The following TBC1D5 variants were observed in gnomAD, a reference collection of about 807,000 sequenced individuals.
TBC1D5 encodes the protein TBC1 domain family member 5, also known as TBC1 domain family, member 5.
Under a neutral mutation model 100.3 loss-of-function variants are expected in TBC1D5, and 75 were observed. The observed-to-expected ratio is 0.75, with a 90% CI of 0.62 to 0.91. The LOEUF is 0.91. Ranked by LOEUF, TBC1D5 falls within the 40% of genes least tolerant of loss-of-function variation. The pLI, the probability that TBC1D5 is intolerant of heterozygous loss-of-function variation, is 0.00. For synonymous variants in TBC1D5, 323 were observed against 325.6 expected, an observed-to-expected ratio of 0.99 and a Z score of 0.09; for missense variants, 910 against 942.4, an observed-to-expected ratio of 0.97 and a Z score of 0.45.
At chr3:17,680,708 G>T (rs1426178851) in intron 1 of TBC1D5, among the ~76,000 whole-genome samples, 3 of 151,318 alleles carry the variant, frequency 2.0e-5, no homozygotes, top group African/African-American at 7.4e-5. Context: ...TCAGTACTAA[G>T]ATGGTCAATA....
chr3:17,531,232 C>G (rs143978560), intron 2 of TBC1D5, among the ~76,000 whole-genome samples: 2,091 of 152,168 alleles, frequency 0.014, 29 homozygotes, highest in Middle Eastern at 0.031. Flanking sequence ...CTCCCATTCA[C>G]AATTGCTTCA....
intron 13 of TBC1D5, among the ~76,000 whole-genome samples, chr3:17,369,381 A>C (rs753397411): frequency 6.6e-6 from 1 of 152,214 alleles, no homozygotes; most frequent in Non-Finnish European, 1.5e-5. Context: ...TGTATACTAC[A>C]TACTGAGTAC....
At chr3:17,416,708 T>C (rs2094083127) in intron 4 of TBC1D5, among the ~76,000 whole-genome samples, 1 of 152,196 alleles carries the variant, frequency 6.6e-6, no homozygotes, top group Admixed American at 6.6e-5. Flanking sequence ...GTCTATCTCA[T>C]TGACTCTCCC....
At chr3:17,369,565 G>C (rs2092357420) in intron 13 of TBC1D5, among the ~76,000 whole-genome samples, 1 of 152,040 alleles carries the variant, frequency 6.6e-6, no homozygotes, top group South Asian at 2.1e-4. Context: ...GCCCAGGATG[G>C]ACTCGAACTC....
At chr3:17,711,799 C>T (rs965272736) in intron 1 of TBC1D5, among the ~76,000 whole-genome samples, 2 of 152,164 alleles carry the variant, frequency 1.3e-5, no homozygotes, top group Non-Finnish European at 2.9e-5. Context: ...TTCAGTGTTA[C>T]AAGCAGTGCT....
Position 17,179,224 on chromosome 3 carries a change from C to T in TBC1D5, c.1852+5885G>A, listed in dbSNP as rs114084228. Among the ~76,000 whole-genome samples the T allele has an allele frequency of 9.3e-3, 1,409 of 152,314 alleles. 23 individuals are homozygous for T. Among genetic ancestry groups the T allele is most frequent in the African/African-American group, 0.032 (1,311 of 41,566 alleles). The stretch of plus-strand genomic sequence containing the variant: ...TATTTAAAATTCTTAAAAATAATCA[C>T]GAAACTCTTTTTTCATAGTGTAGTT... On this transcript the variant is annotated intron_variant, in intron 19 of 21. Coordinates refer to ENST00000253692, the Ensembl canonical transcript of TBC1D5.
At chr3:17,278,634 C>A (rs2080267137) in intron 15 of TBC1D5, among the ~76,000 whole-genome samples, 1 of 152,074 alleles carries the variant, frequency 6.6e-6, no homozygotes, top group African/African-American at 2.4e-5. Context: ...GAGACTGATA[C>A]TCTGGAAAAA....
At chr3:17,555,478 G>C (rs527676103) in intron 2 of TBC1D5, among the ~76,000 whole-genome samples, 1 of 152,180 alleles carries the variant, frequency 6.6e-6, no homozygotes, top group East Asian at 1.9e-4. Flanking sequence ...GCAATTAGCT[G>C]AAAGAGTTAA....
chr3:17,158,587 C>T (rs2065784342), exon 22 of TBC1D5: 1 of 152,264 alleles, frequency 6.6e-6, no homozygotes. Flanking sequence ...ATGTCTCTCT[C>T]CTCCAAGGAG....
intron 17 of TBC1D5, among the ~76,000 whole-genome samples, chr3:17,230,474 G>A (rs924255557): frequency 2.6e-5 from 4 of 152,054 alleles, no homozygotes; most frequent in African/African-American, 9.7e-5. Flanking sequence ...AGAAAATGGA[G>A]ATTCTCCCCT....
At chr3:17,446,173 C>CT (rs11419267) in intron 3 of TBC1D5, among the ~76,000 whole-genome samples, 75,366 of 151,868 alleles carry the variant, frequency 0.5, 20,280 homozygotes, top group African/African-American at 0.68. Context: ...CTCCCAACCC[C>CT]ATTCCTCCTG....
chr3:17,438,477 G>A (rs2094577754), intron 3 of TBC1D5, among the ~76,000 whole-genome samples: 1 of 152,070 alleles, frequency 6.6e-6, no homozygotes, highest in African/African-American at 2.4e-5. Flanking sequence ...TAGTTCTCAC[G>A]AGATCTGATG....
At chr3:17,371,244 GAAC>G (rs2092440229) in intron 13 of TBC1D5, among the ~76,000 whole-genome samples, 2 of 152,090 alleles carry the variant, frequency 1.3e-5, no homozygotes, top group Non-Finnish European at 2.9e-5. Flanking sequence ...TCTGAGGGTA[GAAC>G]AAAAGATGAT....
intron 16 of TBC1D5, among the ~76,000 whole-genome samples, chr3:17,256,015 G>A (rs1373457680): frequency 1.3e-5 from 2 of 152,276 alleles, no homozygotes; most frequent in Admixed American, 1.3e-4. Context: ...CAGCCTGGGC[G>A]ACAAAGCGAG....
intron 15 of TBC1D5, among the ~76,000 whole-genome samples, chr3:17,284,089 T>TAC (rs58307801): frequency 0.23 from 29,972 of 132,704 alleles, 3,818 homozygotes; most frequent in East Asian, 0.57. Flanking sequence ...CTCATTATTT[T>TAC]ACACACACAC....
chr3:17,285,237 G>GATT (rs2081045502), intron 15 of TBC1D5, among the ~76,000 whole-genome samples: 1 of 148,116 alleles, frequency 6.8e-6, no homozygotes, highest in Admixed American at 6.7e-5. Context: ...ACTATACGTG[G>GATT]ATTTTAGATT....
At chr3:17,646,716 T>A (rs2065051756) in intron 1 of TBC1D5, among the ~76,000 whole-genome samples, 1 of 152,132 alleles carries the variant, frequency 6.6e-6, no homozygotes, top group Non-Finnish European at 1.5e-5. Context: ...AAAATGCTAA[T>A]CTGACCACAC....
chr3:17,456,920 T>C (rs1205630955), intron 3 of TBC1D5, among the ~76,000 whole-genome samples: 1 of 152,220 alleles, frequency 6.6e-6, no homozygotes, highest in African/African-American at 2.4e-5. Flanking sequence ...TACATTTATA[T>C]GATATGTCTG....
intron 1 of TBC1D5, among the ~76,000 whole-genome samples, chr3:17,662,805 A>T (rs532385770): frequency 5.1e-4 from 78 of 152,222 alleles, no homozygotes; most frequent in Middle Eastern, 3.4e-3. Context: ...GTTTTTTTTT[A>T]AATAATATCT....
Sources: gnomAD v4.1 joint callset for allele counts (sites outside exome capture counted in the v4.1 genomes callset) on GRCh38, gnomAD v4.1.1 for gene constraint, MANE v1.5 for transcripts, NCBI Gene and HGNC (gene_info 2026-07-23, HGNC 2026-07-21) for gene names.